Variants in GPC5 observed in about 807,000 individuals in gnomAD.
GPC5 encodes glypican-5.
A neutral mutation model predicts 53.9 loss-of-function variants in GPC5; 47 were observed. The ratio of observed to expected loss-of-function variants is 0.87; its 90% CI spans 0.69 to 1.11. The LOEUF is 1.11. Ranked by LOEUF, GPC5 falls within the 50% of genes most tolerant of loss-of-function variation. The pLI is 0.00. For missense variants in GPC5, 748 were observed against 713.1 expected (o/e 1.05, Z -0.56); for synonymous variants, 286 against 263.3 (o/e 1.09, Z -0.84).
At chr13:92,553,705 G>T (rs1210450022) in intron 7 of GPC5, among the ~76,000 whole-genome samples, 1 of 151,884 alleles carries the variant, frequency 6.6e-6, no homozygotes, top group African/African-American at 2.4e-5. Context: ...CTCTTTATCA[G>T]TTGACAACTT....
chr13:92,664,852 A>G (rs182313003), intron 7 of GPC5, among the ~76,000 whole-genome samples: 38 of 152,334 alleles, frequency 2.5e-4, no homozygotes, highest in African/African-American at 8.4e-4. Flanking sequence ...AATCTAGATG[A>G]CTAGATATAA....
In GPC5 at chr13:92,708,137, G is replaced by A. The variant is rs11841229; in HGVS notation, c.1562-158145G>A. Among the ~76,000 whole-genome samples, 313 of 152,226 alleles carry A rather than the reference G, an allele frequency of 2.1e-3. 1 individual carries two copies. The highest frequency in any genetic ancestry group is 7.3e-3 in the African/African-American group (303 of 41,548). ...TCAGCATGAGAAACATATTCTCATG[G>A]TTGTTTTATTTTTCAACTAACTTCA... On this transcript the variant is annotated intron_variant, in intron 7 of 7. Coordinates refer to ENST00000377067, the MANE Select transcript of GPC5 (RefSeq NM_004466.6).
At chr13:92,287,931 C>T (rs566922918) in intron 7 of GPC5, among the ~76,000 whole-genome samples, 3 of 152,100 alleles carry the variant, frequency 2.0e-5, no homozygotes, top group Admixed American at 2.0e-4. Flanking sequence ...ATCTCGTGGG[C>T]TCTGTTCATT....
chr13:92,545,058 A>T (rs911135543), intron 7 of GPC5, among the ~76,000 whole-genome samples: 2 of 151,884 alleles, frequency 1.3e-5, no homozygotes, highest in Non-Finnish European at 2.9e-5. Flanking sequence ...TCCTAATGCT[A>T]TACCTCCCCC....
chr13:91,818,481 T>A (rs777985948), intron 5 of GPC5, among the ~76,000 whole-genome samples: 3 of 152,208 alleles, frequency 2.0e-5, no homozygotes, highest in Admixed American at 6.5e-5. Context: ...ATGTTCTAGC[T>A]CTAAGGTTAT....
At chr13:92,165,233 T>C (rs1310886906) in intron 7 of GPC5, among the ~76,000 whole-genome samples, 1 of 152,226 alleles carries the variant, frequency 6.6e-6, no homozygotes, top group Non-Finnish European at 1.5e-5. Context: ...TATTGGATCA[T>C]CAGGCTGCAA....
At position 91,478,482 on chromosome 13, in the gene GPC5, G is replaced by T. The variant is rs538596400; in HGVS notation, c.325+29560G>T. On this transcript the variant is annotated intron_variant, in intron 2 of 7. Transcript: ENST00000377067. Reference sequence around the variant, plus strand: ...ATATATGCTATTTATTTTGTAGTTTGTTGTAGTTTTAGCATCCAAAATTTA... The same window carrying T: ...ATATATGCTATTTATTTTGTAGTTTTTTGTAGTTTTAGCATCCAAAATTTA... Among the ~76,000 whole-genome samples, 408 of 151,544 alleles carry T rather than the reference G, an allele frequency of 2.7e-3. 1 individual carries two copies. Among genetic ancestry groups the T allele is most frequent in the African/African-American group, 9.6e-3 (398 of 41,382 alleles).
intron 6 of GPC5, among the ~76,000 whole-genome samples, chr13:92,097,598 T>C (rs1380160407): frequency 1.3e-5 from 2 of 152,188 alleles, no homozygotes; most frequent in Non-Finnish European, 2.9e-5. Flanking sequence ...ATGTAAGAAA[T>C]ATCTGTGGAC....
chr13:91,755,804 A>G (rs761526668), intron 4 of GPC5, among the ~76,000 whole-genome samples: 1 of 152,108 alleles, frequency 6.6e-6, no homozygotes, highest in Non-Finnish European at 1.5e-5. Flanking sequence ...AGATAGGAAA[A>G]TAACCTACTA....
At chr13:91,602,925 G>A (rs2033227017) in intron 2 of GPC5, among the ~76,000 whole-genome samples, 1 of 152,202 alleles carries the variant, frequency 6.6e-6, no homozygotes, top group Non-Finnish European at 1.5e-5. Flanking sequence ...AGAATATGGA[G>A]TTATGTGCCT....
intron 1 of GPC5, among the ~76,000 whole-genome samples, chr13:91,430,618 G>T (rs1007355090): frequency 6.6e-6 from 1 of 152,146 alleles, no homozygotes; most frequent in Admixed American, 6.5e-5. Context: ...CAAAATCTGT[G>T]GGTGGAGAGG....
intron 7 of GPC5, among the ~76,000 whole-genome samples, chr13:92,693,970 C>G (rs909880411): frequency 2.0e-5 from 3 of 152,212 alleles, no homozygotes; most frequent in Non-Finnish European, 2.9e-5. Flanking sequence ...TCTGTGCAGA[C>G]TCAGGACTTG....
intron 7 of GPC5, among the ~76,000 whole-genome samples, chr13:92,666,089 T>C (rs572413616): frequency 6.6e-6 from 1 of 152,298 alleles, no homozygotes; most frequent in Admixed American, 6.5e-5. Flanking sequence ...AAAAAATAAG[T>C]TACATAAAAT....
At chr13:92,312,013 C>T (rs138700272) in intron 7 of GPC5, among the ~76,000 whole-genome samples, 55 of 152,080 alleles carry the variant, frequency 3.6e-4, no homozygotes, top group African/African-American at 1.2e-3. Flanking sequence ...AAGGAGAGAA[C>T]GGAATAAGTC....
chr13:92,527,348 G>T (rs757032244), intron 7 of GPC5, among the ~76,000 whole-genome samples: 2 of 152,082 alleles, frequency 1.3e-5, no homozygotes, highest in Non-Finnish European at 2.9e-5. Flanking sequence ...GCGTCCAACA[G>T]AGGAGGAAAA....
At chr13:92,534,705 A>C (rs1436110955) in intron 7 of GPC5, among the ~76,000 whole-genome samples, 1 of 152,186 alleles carries the variant, frequency 6.6e-6, no homozygotes, top group Non-Finnish European at 1.5e-5. Context: ...AAAGCTTACA[A>C]GTAGTAGAGG....
At chr13:92,026,559 A>C (rs2040802689) in intron 6 of GPC5, among the ~76,000 whole-genome samples, 1 of 151,748 alleles carries the variant, frequency 6.6e-6, no homozygotes, top group Non-Finnish European at 1.5e-5. Context: ...CATGCAAATA[A>C]TGAGGTCCAG....
intron 2 of GPC5, among the ~76,000 whole-genome samples, chr13:91,646,542 A>C (rs1053098076): frequency 3.3e-5 from 5 of 152,082 alleles, no homozygotes. Flanking sequence ...TTAAATGACA[A>C]AATGAAATAA....
At chr13:91,673,570 T>G (rs1284392841) in intron 2 of GPC5, among the ~76,000 whole-genome samples, 1 of 152,142 alleles carries the variant, frequency 6.6e-6, no homozygotes, top group East Asian at 1.9e-4. Context: ...AGATGTAAGC[T>G]TCCTTAGCGT....
Sources: gnomAD v4.1 joint callset for allele counts (sites outside exome capture counted in the v4.1 genomes callset) on GRCh38, gnomAD v4.1.1 for gene constraint, MANE v1.5 for transcripts, NCBI Gene and HGNC (gene_info 2026-07-23, HGNC 2026-07-21) for gene names.